Variants in USP49 observed in about 807,000 individuals in gnomAD.
USP49 encodes ubiquitin specific peptidase 49.
USP49 carries 24 observed loss-of-function variants against 58.6 expected under a neutral mutation model. The observed-to-expected ratio is 0.41, with a 90% confidence interval of 0.30 to 0.58. The LOEUF is 0.58. Among genes scored for constraint, USP49 ranks in the 20% least tolerant of loss-of-function variants. The probability of loss-of-function intolerance (pLI) is 0.30; values close to 1 mark genes in which losing one functional copy is unlikely to be tolerated. For missense variants in USP49, 703 were observed against 866.1 expected (o/e 0.81, Z 2.36); for synonymous variants, 408 against 365.1 (o/e 1.12, Z -1.34).
At chr6:41,820,160 CTG>C (rs1773428855) in intron 3 of USP49, among the ~76,000 whole-genome samples, 1 of 146,684 alleles carries the variant, frequency 6.8e-6, no homozygotes, top group Non-Finnish European at 1.5e-5. Flanking sequence ...AAAATACTGT[CTG>C]TATCTAGCTA....
chr6:41,818,170 G>A lies in USP49; in HGVS notation c.-28-11159C>T, dbSNP rs1050490022. ...GTGGTACAAAGCTAATAAGCAAGCT[G>A]GCCCTGAAGGGATCAGACTTTTTGA... On this transcript the variant is annotated intron_variant, in intron 3 of 7. Coordinates refer to ENST00000682992, the MANE Select transcript of USP49 (RefSeq NM_001286554.2). 2.3e-4 allele frequency among the ~76,000 whole-genome samples: 35 copies of A among 152,102 alleles called. 1 individual carries two copies. Among genetic ancestry groups the A allele is most frequent in the Admixed American group, 6.5e-5 (1 of 15,272 alleles).
intron 3 of USP49, among the ~76,000 whole-genome samples, chr6:41,816,666 G>C (rs1773355938): frequency 6.6e-6 from 1 of 151,812 alleles, no homozygotes; most frequent in Non-Finnish European, 1.5e-5. Context: ...GTAAAAACCT[G>C]ATAATTTTTA....
At chr6:41,880,326 GA>G (rs1774582093) in intron 2 of USP49, among the ~76,000 whole-genome samples, 1 of 152,132 alleles carries the variant, frequency 6.6e-6, no homozygotes, top group South Asian at 2.1e-4. Flanking sequence ...GAGAGTTCGA[GA>G]GGAAGAACAG....
chr6:41,874,993 A>G (rs1774478539), intron 2 of USP49, among the ~76,000 whole-genome samples: 2 of 151,982 alleles, frequency 1.3e-5, no homozygotes, highest in Admixed American at 1.3e-4. Context: ...AGAAAGAAAG[A>G]AAGAGAGAGA....
At chr6:41,800,027 T>C in intron 5 of USP49, 89 bp from the exon 6 acceptor site, 1 of 1,131,438 alleles carries the variant, frequency 8.8e-7, no homozygotes, top group Non-Finnish European at 1.3e-6. Context: ...CAATATGCAT[T>C]CTCCATATTT....
chr6:41,835,155 A>G (rs995070933), intron 3 of USP49, among the ~76,000 whole-genome samples: 5 of 152,162 alleles, frequency 3.3e-5, no homozygotes, highest in African/African-American at 1.2e-4. Context: ...GCTGTGTCTT[A>G]TATTTGCTTG....
chr6:41,826,889 A>G (rs1326489192), intron 3 of USP49, among the ~76,000 whole-genome samples: 1 of 152,204 alleles, frequency 6.6e-6, no homozygotes, highest in Non-Finnish European at 1.5e-5. Context: ...ACCAATGGTT[A>G]GGCAGTGTTC....
chr6:41,802,388 T>TTATTTTATTA (rs1345426913), intron 5 of USP49, among the ~76,000 whole-genome samples: 5 of 128,564 alleles, frequency 3.9e-5, no homozygotes, highest in Middle Eastern at 3.9e-3. Flanking sequence ...ACAATTTATT[T>TTATTTTATTA]TATTTTATTT....
At chr6:41,802,436 A>ATTTTAT (rs775647919) in intron 5 of USP49, among the ~76,000 whole-genome samples, 41 of 32,670 alleles carry the variant, frequency 1.3e-3, no homozygotes, top group South Asian at 6.0e-3. Context: ...TATTTTATTT[A>ATTTTAT]TTTATTTATT....
At chr6:41,886,079 C>T (rs775680260) in intron 2 of USP49, among the ~76,000 whole-genome samples, 1 of 152,218 alleles carries the variant, frequency 6.6e-6, no homozygotes, top group Non-Finnish European at 1.5e-5. Context: ...TAAGACCCTT[C>T]TAATCAGTTG....
intron 3 of USP49, among the ~76,000 whole-genome samples, chr6:41,807,368 A>G (rs951271181): frequency 1.3e-5 from 2 of 152,216 alleles, no homozygotes; most frequent in African/African-American, 4.8e-5. Flanking sequence ...AACATGATAT[A>G]AGATAGAAAT....
Position 41,806,902 on chromosome 6 carries a change from C to CT in USP49, c.81dup (p.Glu28ArgfsTer24). The CT allele has an allele frequency of 6.2e-7, 1 of 1,614,024 alleles. No individual in the cohort carries two copies. The highest frequency in any genetic ancestry group is 8.5e-7 in the Non-Finnish European group (1 of 1,180,014). ...CACACGGACTCGGTGGTGGCACACTCTAAGCAGCACCACTTCTGAGGGTTC... is the reference window on the plus strand; with the variant it reads ...CACACGGACTCGGTGGTGGCACACTCTTAAGCAGCACCACTTCTGAGGGTTC... On this transcript the variant is annotated frameshift_variant, in exon 4 of 8. Coordinates refer to ENST00000682992, the MANE Select transcript of USP49 (RefSeq NM_001286554.2). LOFTEE classifies it high-confidence loss of function. The surrounding 1 kb of genome is among the most constrained non-coding windows in gnomAD (Gnocchi z 5.9).
chr6:41,881,217 C>G (rs1037304146), intron 2 of USP49, among the ~76,000 whole-genome samples: 2 of 148,238 alleles, frequency 1.3e-5, no homozygotes, highest in Non-Finnish European at 3.0e-5. Context: ...CAGGCGTGAG[C>G]CACCCTGCCC....
chr6:41,838,019 T>A (rs1381052662), intron 3 of USP49, among the ~76,000 whole-genome samples: 1 of 152,190 alleles, frequency 6.6e-6, no homozygotes, highest in Admixed American at 6.5e-5. Flanking sequence ...GTAAATTAGT[T>A]CAGCTACTGT....
At chr6:41,830,448 A>G (rs1773614335) in intron 3 of USP49, among the ~76,000 whole-genome samples, 1 of 152,334 alleles carries the variant, frequency 6.6e-6, no homozygotes, top group African/African-American at 2.4e-5. Flanking sequence ...ATTCCATATA[A>G]GTTTATACTT....
At chr6:41,800,571 T>C (rs1772979909) in intron 5 of USP49, among the ~76,000 whole-genome samples, 1 of 152,240 alleles carries the variant, frequency 6.6e-6, no homozygotes, top group Non-Finnish European at 1.5e-5. Flanking sequence ...GCTTATAACT[T>C]CAATTATGAT....
intron 3 of USP49, among the ~76,000 whole-genome samples, chr6:41,817,540 A>G (rs1773378855): frequency 7.2e-6 from 1 of 138,526 alleles, no homozygotes; most frequent in Non-Finnish European, 1.5e-5. Context: ...GCTAACTGCA[A>G]CCTCCACCCA....
intron 3 of USP49, chr6:41,868,677 G>A (rs544365395): frequency 6.6e-6 from 1 of 152,176 alleles, no homozygotes; most frequent in African/African-American, 2.4e-5. Context: ...ACTATCTATG[G>A]TCACAGCAGA....
chr6:41,804,083 A>T, intron 4 of USP49, 73 bp from the exon 5 acceptor site: 1 of 1,374,214 alleles, frequency 7.3e-7, no homozygotes, highest in South Asian at 1.3e-5. Flanking sequence ...TTGCTTCATA[A>T]AAGACACACT....
Sources: allele counts gnomAD v4.1 joint callset (sites outside exome capture counted in the v4.1 genomes callset), GRCh38; gene constraint gnomAD v4.1.1; non-coding constraint Gnocchi (gnomAD v3.1); transcripts MANE v1.5; gene names NCBI Gene and HGNC (gene_info 2026-07-23, HGNC 2026-07-21).